The following NTM variants were observed in gnomAD, a reference collection of about 807,000 sequenced individuals.
NTM encodes neurotrimin.
A neutral mutation model predicts 42.1 loss-of-function variants in NTM; 13 were observed. The observed-to-expected ratio is 0.31, with a 90% CI of 0.20 to 0.49. NTM has a LOEUF of 0.49. Among genes scored for constraint, NTM ranks in the 20% least tolerant of loss-of-function variants. The pLI, the probability that NTM is intolerant of heterozygous loss-of-function variation, is 0.99. For synonymous variants in NTM, 187 were observed against 179.2 expected (o/e 1.04, Z -0.35); for missense variants, 373 against 452.8 (o/e 0.82, Z 1.60).
At chr11:132,030,935 G>T (rs768066483) in intron 2 of NTM, among the ~76,000 whole-genome samples, 1 of 152,140 alleles carries the variant, frequency 6.6e-6, no homozygotes, top group African/African-American at 2.4e-5. Flanking sequence ...TGAAAATTGG[G>T]CTCAGGCTTC....
chr11:132,325,065 C>T (rs2095649894), intron 7 of NTM, among the ~76,000 whole-genome samples: 1 of 151,632 alleles, frequency 6.6e-6, no homozygotes, highest in African/African-American at 2.4e-5. Flanking sequence ...ACCATAAAAA[C>T]CCTAGAAGAA....
In NTM at chr11:132,143,422, G is replaced by A. The variant is rs115631750; in HGVS notation, c.168-2860G>A. Among the ~76,000 whole-genome samples the A allele has an allele frequency of 4.3e-3, 648 of 152,238 alleles. 4 individuals carry two copies. The highest frequency in any genetic ancestry group is 0.012 in the African/African-American group (497 of 41,526). On this transcript the variant is annotated intron_variant, in intron 2 of 8. Coordinates refer to ENST00000683400, the MANE Select transcript of NTM (RefSeq NM_001352005.2). ...AGAACTGATTTAGATGTTCTTTTGG[G>A]AGCACCTATAAGAACACTAAATTTG... is the stretch of plus-strand genomic sequence containing the variant.
At chr11:131,613,429 G>A (rs535719748) in intron 1 of NTM, among the ~76,000 whole-genome samples, 1 of 152,106 alleles carries the variant, frequency 6.6e-6, no homozygotes, top group Non-Finnish European at 1.5e-5. Flanking sequence ...GCAATGAGGA[G>A]GTTTCAGCCC....
intron 1 of NTM, among the ~76,000 whole-genome samples, chr11:131,596,334 A>G (rs895814246): frequency 2.0e-5 from 3 of 152,320 alleles, no homozygotes; most frequent in Middle Eastern, 6.8e-3. Flanking sequence ...GAGACAGTGA[A>G]TATTTTAGGC....
chr11:132,193,549 C>T (rs1346118442), intron 3 of NTM, among the ~76,000 whole-genome samples: 1 of 151,920 alleles, frequency 6.6e-6, no homozygotes, highest in Non-Finnish European at 1.5e-5. Context: ...TAAAAACTTA[C>T]ATCAAGAAAT....
chr11:131,440,449 C>G (rs1421194875), intron 1 of NTM, among the ~76,000 whole-genome samples: 1 of 152,054 alleles, frequency 6.6e-6, no homozygotes, highest in African/African-American at 2.4e-5. Context: ...TGCTTAAGTT[C>G]CTCCTTTTCT....
chr11:131,441,213 C>T (rs554130930), intron 1 of NTM, among the ~76,000 whole-genome samples: 2 of 152,286 alleles, frequency 1.3e-5, no homozygotes, highest in South Asian at 4.1e-4. Flanking sequence ...TTAGAATGAG[C>T]TGATGCGTCT....
chr11:131,445,142 G>A (rs1203380810), intron 1 of NTM, among the ~76,000 whole-genome samples: 2 of 152,154 alleles, frequency 1.3e-5, no homozygotes, highest in Non-Finnish European at 2.9e-5. Context: ...TTTTGAATTA[G>A]TGATAATATT....
chr11:131,840,730 T>C (rs2044127604), intron 1 of NTM, among the ~76,000 whole-genome samples: 2 of 152,216 alleles, frequency 1.3e-5, no homozygotes, highest in South Asian at 4.1e-4. Context: ...GATGTGAAAC[T>C]GAACAAAGCC....
chr11:132,156,375 T>C (rs1233180662), intron 3 of NTM, among the ~76,000 whole-genome samples: 1 of 152,252 alleles, frequency 6.6e-6, no homozygotes, highest in Non-Finnish European at 1.5e-5. Context: ...CAGTCGGTCC[T>C]ATTTATCCTT....
rs1316536093 is a variant in NTM, at chr11:132,275,714, GTATATATATACGTATATATACGTA to G, written c.527-31965_527-31942del. 3.1e-5 allele frequency among the ~76,000 whole-genome samples: 4 copies of G among 130,198 alleles called. No individual in the cohort carries two copies. In the East Asian group the frequency reaches 8.6e-4, roughly 28 times the overall value. 85.4% of individuals were successfully genotyped at this position (130,198 alleles called of 152,430 possible). A position where few individuals can be genotyped will look rare whatever the true frequency, so the allele number is the denominator to read the frequency against. ...TTTATATATATATGTATATATATAT[GTATATATATACGTATATATACGTA>G]TATATATATGTGTATATATATATAT... On this transcript the variant is annotated intron_variant, in intron 4 of 8. Coordinates refer to ENST00000683400, the MANE Select transcript of NTM (RefSeq NM_001352005.2).
chr11:131,483,576 A>G (rs965152261), intron 1 of NTM, among the ~76,000 whole-genome samples: 1 of 152,256 alleles, frequency 6.6e-6, no homozygotes, highest in Non-Finnish European at 1.5e-5. Flanking sequence ...CGGGAATTCA[A>G]TGAAAGCTAC....
At chr11:131,533,381 C>T (rs866490840) in intron 1 of NTM, among the ~76,000 whole-genome samples, 12 of 152,200 alleles carry the variant, frequency 7.9e-5, no homozygotes, top group South Asian at 4.1e-4. Context: ...TGATGCTGCG[C>T]GGCCTTGATA....
At chr11:132,288,332 C>A (rs1254870381) in intron 4 of NTM, among the ~76,000 whole-genome samples, 3 of 152,150 alleles carry the variant, frequency 2.0e-5, no homozygotes, top group Non-Finnish European at 4.4e-5. Flanking sequence ...ACTTAAAGGG[C>A]AAGTAGACCT....
chr11:131,486,997 C>T (rs1307271769), intron 1 of NTM, among the ~76,000 whole-genome samples: 3 of 152,080 alleles, frequency 2.0e-5, no homozygotes, highest in Admixed American at 1.3e-4. Flanking sequence ...TTTGTAATGC[C>T]ACCAGTTCTT....
At chr11:132,044,088 ATG>A (rs2077599941) in intron 2 of NTM, among the ~76,000 whole-genome samples, 2 of 142,914 alleles carry the variant, frequency 1.4e-5, no homozygotes, top group African/African-American at 5.0e-5. Flanking sequence ...GTTTGTGTGT[ATG>A]TGTGTATGTA....
chr11:131,786,796 A>G (rs1741627729), intron 1 of NTM, among the ~76,000 whole-genome samples: 1 of 152,246 alleles, frequency 6.6e-6, no homozygotes, highest in African/African-American at 2.4e-5. Flanking sequence ...AGAAGGGTTT[A>G]GAAGCACGTC....
intron 1 of NTM, among the ~76,000 whole-genome samples, chr11:131,732,883 T>C (rs1421269174): frequency 6.6e-6 from 1 of 152,204 alleles, no homozygotes; most frequent in African/African-American, 2.4e-5. Context: ...TTCAGTATTT[T>C]TATTGATTTT....
At chr11:131,607,865 C>A (rs942704868) in intron 1 of NTM, among the ~76,000 whole-genome samples, 1 of 148,820 alleles carries the variant, frequency 6.7e-6, no homozygotes, top group Non-Finnish European at 1.5e-5. Context: ...ACGGTTTGAT[C>A]GGTAGACATT....
Sources: allele counts gnomAD v4.1 joint callset (sites outside exome capture counted in the v4.1 genomes callset), GRCh38; gene constraint gnomAD v4.1.1; transcripts MANE v1.5; gene names NCBI Gene and HGNC (gene_info 2026-07-23, HGNC 2026-07-21).